NTN1: variants seen among roughly 807,000 people sequenced by gnomAD.
NTN1 encodes netrin 1.
NTN1 carries 11 observed loss-of-function variants against 54.2 expected under a neutral mutation model. The ratio of observed to expected loss-of-function variants is 0.20; its 90% confidence interval spans 0.13 to 0.34. NTN1 has a LOEUF of 0.34. NTN1 is among the 10% of genes least tolerant of loss of function. The pLI is 1.00. For synonymous variants in NTN1, 371 were observed against 382.0 expected, an observed-to-expected ratio of 0.97 and a Z score of 0.33; for missense variants, 740 against 893.1, an observed-to-expected ratio of 0.83 and a Z score of 2.18.
intron 2 of NTN1, among the ~76,000 whole-genome samples, chr17:9,089,676 G>T (rs929061432): frequency 1.3e-5 from 2 of 152,106 alleles, no homozygotes; most frequent in Admixed American, 1.3e-4. Context: ...CACCTTGAAC[G>T]TGATGGGTGC....
At chr17:9,184,608 A>G (rs1290720217) in intron 5 of NTN1, among the ~76,000 whole-genome samples, 1 of 152,190 alleles carries the variant, frequency 6.6e-6, no homozygotes, top group Non-Finnish European at 1.5e-5. Context: ...GGGCTGTGTG[A>G]CAGCTCATGC....
chr17:9,239,508 C>T lies in NTN1; in HGVS notation c.1487-132C>T, dbSNP rs1352149673. The T allele has an allele frequency of 1.0e-5, 8 of 798,252 alleles. No homozygotes were observed. The East Asian group carries it at 1.6e-4, about 16-fold the overall frequency. 49.4% of individuals were successfully genotyped at this position (798,252 alleles called of 1,614,324 possible). A position where few individuals can be genotyped will look rare whatever the true frequency, so the allele number is the denominator to read the frequency against. On this transcript the variant is annotated intron_variant, in intron 6 of 6. Coordinates refer to ENST00000173229, the MANE Select transcript of NTN1 (RefSeq NM_004822.3). The surrounding 1 kb of genome is among the most constrained non-coding windows in gnomAD (Gnocchi z 5.2). ...TACGATCAGCTTGCCACCACCCACG[C>T]GCTCCTGTATGGGCCACTCTGTGCA...
intron 2 of NTN1, among the ~76,000 whole-genome samples, chr17:9,044,230 G>A (rs1039786913): frequency 1.2e-5 from 1 of 86,764 alleles, no homozygotes; most frequent in Non-Finnish European, 2.0e-5. Context: ...TGCTGTTTCC[G>A]GTACTTTTTT....
intron 6 of NTN1, among the ~76,000 whole-genome samples, chr17:9,227,632 C>T (rs868023229): frequency 6.6e-6 from 1 of 150,540 alleles, no homozygotes; most frequent in South Asian, 2.1e-4. Flanking sequence ...GACTATCACG[C>T]ACACACATCA....
the NTN1 span, among the ~76,000 whole-genome samples, chr17:9,006,653 G>A: frequency 8.5e-5 from 13 of 152,200 alleles, no homozygotes; most frequent in African/African-American, 3.1e-4. Context: ...GGGAAATGAA[G>A]GTTCATGGAT....
chr17:9,100,491 C>T (rs1402325268), intron 2 of NTN1, among the ~76,000 whole-genome samples: 11 of 151,750 alleles, frequency 7.2e-5, no homozygotes, highest in Admixed American at 7.2e-4. Flanking sequence ...TTAGTCGAGA[C>T]GGGGTTTCAC....
At chr17:9,068,855 G>C (rs1161264951) in intron 2 of NTN1, among the ~76,000 whole-genome samples, 1 of 152,050 alleles carries the variant, frequency 6.6e-6, no homozygotes, top group African/African-American at 2.4e-5. Context: ...CCTTGGGAGG[G>C]AACAGTGTGT....
At chr17:9,062,227 C>T (rs1597474170) in intron 2 of NTN1, among the ~76,000 whole-genome samples, 1 of 152,148 alleles carries the variant, frequency 6.6e-6, no homozygotes, top group East Asian at 1.9e-4. Flanking sequence ...GAAGTTGTCC[C>T]AATTCCGAAT....
intron 2 of NTN1, among the ~76,000 whole-genome samples, chr17:9,105,910 G>A (rs1431954298): frequency 5.3e-5 from 8 of 151,306 alleles, no homozygotes; most frequent in Admixed American, 1.3e-4. Flanking sequence ...CTGGTATTCC[G>A]ATTTAAAAAA....
In NTN1 at chr17:9,239,705, A is replaced by G. The variant is rs574346024; in HGVS notation, c.1552A>G (p.Ile518Val). Reference protein sequence around the residue: ...GDWWKFTVNIISVYKQGTSRI... With the variant: ...GDWWKFTVNIVSVYKQGTSRI... Reference sequence around the variant, plus strand: ...CTGGTGGAAGTTCACGGTGAACATCATCTCCGTGTATAAGCAGGGCACGAG... The same window carrying G: ...CTGGTGGAAGTTCACGGTGAACATCGTCTCCGTGTATAAGCAGGGCACGAG... Residue 518 changes from isoleucine (I) to valine (V), a missense_variant, in exon 7 of 7, where the codon ATC (isoleucine) becomes GTC (valine). Physicochemically the swap from Ile to Val is conservative, Grantham distance 29. Transcript: ENST00000173229. This position sits in a 1 kb window ranked among gnomAD's most constrained non-coding sequence, Gnocchi z 5.2. 3.1e-6 allele frequency: 5 copies of G among 1,613,540 alleles called. No homozygotes were observed. Among genetic ancestry groups the G allele is most frequent in the South Asian group, 2.2e-5 (2 of 91,056 alleles).
At chr17:9,206,324 AAAAG>A (rs1464085359) in intron 5 of NTN1, among the ~76,000 whole-genome samples, 6 of 152,322 alleles carry the variant, frequency 3.9e-5, no homozygotes, top group East Asian at 1.9e-4. Context: ...TTGTTCAGCA[AAAAG>A]AAAGAGCCTG....
At chr17:9,222,205 C>T (rs1014851938) in intron 6 of NTN1, among the ~76,000 whole-genome samples, 2 of 152,192 alleles carry the variant, frequency 1.3e-5, no homozygotes, top group Admixed American at 6.5e-5. Flanking sequence ...TCTGGGCCCA[C>T]GAAAGTCCAC....
intron 2 of NTN1, among the ~76,000 whole-genome samples, chr17:9,123,313 A>T (rs890162782): frequency 6.6e-6 from 1 of 152,224 alleles, no homozygotes. Context: ...TCACAAGTTT[A>T]TATTTTGTGA....
At position 9,022,354 on chromosome 17, in the gene NTN1, C is replaced by G. The variant is rs2091852680; in HGVS notation, c.-20C>G. The G allele has an allele frequency of 1.6e-6, 2 of 1,282,260 alleles. No homozygotes were observed. Among genetic ancestry groups the G allele is most frequent in the Non-Finnish European group, 2.0e-6 (2 of 1,020,726 alleles). 79.4% of individuals were successfully genotyped at this position (1,282,260 alleles called of 1,614,324 possible). A position where few individuals can be genotyped will look rare whatever the true frequency, so the allele number is the denominator to read the frequency against. ...GGACAGATCCTCGGCGCGGCAGGGC[C>G]GGGGCAAGCTGGACGCAGCATGATG... On this transcript the variant is annotated 5_prime_UTR_variant, in exon 2 of 7. Coordinates refer to ENST00000173229, the MANE Select transcript of NTN1 (RefSeq NM_004822.3).
At chr17:9,225,254 C>T (rs1188699303) in intron 6 of NTN1, among the ~76,000 whole-genome samples, 1 of 133,908 alleles carries the variant, frequency 7.5e-6, no homozygotes, top group Admixed American at 7.1e-5. Context: ...GACTCTGTCT[C>T]AAAAAAAAAA....
rs2091852475 is a variant in NTN1, at chr17:9,022,329, G to A, written c.-45G>A. ...TCCGCAGGCGCCTTCTGCGGCAGGC[G>A]GACAGATCCTCGGCGCGGCAGGGCC... On this transcript the variant is annotated 5_prime_UTR_variant, in exon 2 of 7. Transcript: ENST00000173229. The A allele has an allele frequency of 7.9e-7, 1 of 1,266,690 alleles. No individual in the cohort carries two copies. Among genetic ancestry groups the A allele is most frequent in the African/African-American group, 1.6e-5 (1 of 64,266 alleles). The allele number at this position is 1,266,690 out of a possible 1,614,324, so 78.5% of individuals were successfully genotyped here.
chr17:9,207,479 T>C (rs1024159785), intron 5 of NTN1, among the ~76,000 whole-genome samples: 1 of 152,206 alleles, frequency 6.6e-6, no homozygotes, highest in African/African-American at 2.4e-5. Context: ...AAAAGATTGT[T>C]ACAAACGCTC....
At chr17:9,198,046 C>T (rs879283011) in intron 5 of NTN1, among the ~76,000 whole-genome samples, 5 of 152,152 alleles carry the variant, frequency 3.3e-5, no homozygotes, top group Admixed American at 6.6e-5. Flanking sequence ...CCCAGGTTAT[C>T]GGGGCCCTGC....
intron 6 of NTN1, among the ~76,000 whole-genome samples, chr17:9,227,416 A>G (rs57675223): frequency 0.28 from 42,118 of 150,532 alleles, 6,115 homozygotes; most frequent in East Asian, 0.47. Flanking sequence ...CACCACATGC[A>G]CACATACATA....
Sources: gnomAD v4.1 joint callset for allele counts (sites outside exome capture counted in the v4.1 genomes callset) on GRCh38, gnomAD v4.1.1 for gene constraint, Gnocchi (gnomAD v3.1) non-coding constraint, MANE v1.5 for transcripts, NCBI Gene and HGNC (gene_info 2026-07-23, HGNC 2026-07-21) for gene names.